POM121: variants seen among roughly 807,000 people sequenced by gnomAD.
POM121 encodes POM121 transmembrane nucleoporin.
In POM121, 32 loss-of-function variants were observed where a neutral mutation model predicts 81.3. That is an observed-to-expected ratio of 0.39 (90% CI 0.30 to 0.53). POM121 has a LOEUF of 0.53. Among genes scored for constraint, POM121 ranks in the 20% least tolerant of loss-of-function variants. The probability of loss-of-function intolerance (pLI) is 0.66; values close to 1 mark genes in which losing one functional copy is unlikely to be tolerated. For missense variants in POM121, 1,138 were observed against 1,614.6 expected (o/e 0.70, Z 5.06); for synonymous variants, 514 against 694.2 (o/e 0.74, Z 4.08).
rs200295539 is a variant in POM121, at chr7:72,943,531, G to T, written c.3529+9G>T. 1 of 1,611,318 alleles carries T rather than the reference G, an allele frequency of 6.2e-7. No homozygotes were observed. Among genetic ancestry groups the T allele is most frequent in the Non-Finnish European group, 8.5e-7 (1 of 1,179,620 alleles). ...CAAACCTGTGTTTGGAGGTAAGGAG[G>T]GGCGTGGACTTGGGCTACCGGGCCG... On this transcript the variant is annotated intron_variant, in intron 11 of 12. Coordinates refer to ENST00000434423, the MANE Select transcript of POM121 (RefSeq NM_001387691.1).
rs555797279 is a variant in POM121, at chr7:72,946,505, C to T, written c.*271C>T. On this transcript the variant is annotated 3_prime_UTR_variant, in exon 13 of 13. Transcript: ENST00000434423. ...GGGAGGCTGGAGAACTAAGGAAACACCTGTACATAGTGTCCGCTGCCCTGA... is the reference window on the plus strand; with the variant it reads ...GGGAGGCTGGAGAACTAAGGAAACATCTGTACATAGTGTCCGCTGCCCTGA... 4.7e-5 allele frequency: 60 copies of T among 1,270,474 alleles called. No homozygotes were observed. The South Asian group carries it at 1.1e-3, about 24-fold the overall frequency. 78.7% of individuals were successfully genotyped at this position (1,270,474 alleles called of 1,614,324 possible). A position where few individuals can be genotyped will look rare whatever the true frequency, so the allele number is the denominator to read the frequency against.
chr7:72,943,279 C>T lies in POM121; in HGVS notation c.3286C>T (p.Pro1096Ser), dbSNP rs782211310. 18 of 1,609,964 alleles carry T rather than the reference C, an allele frequency of 1.1e-5. No homozygotes were observed. The East Asian group carries it at 3.6e-4, about 32-fold the overall frequency. ...GGTGTTTGGCAGCACAACACCATCA[C>T]CCTTCACGTTTGGGGGTTCGGCAGC... is the stretch of plus-strand genomic sequence containing the variant. ...SSVFGSTTPS[P>S]FTFGGSAAPA... The change falls in exon 11 of 13, where the codon CCC becomes TCC. Residue 1096 changes from proline (P) to serine (S), a missense_variant. Pro to Ser is a moderately conservative substitution (Grantham distance 74). Transcript: ENST00000434423.
chr7:72,900,449 T>C (rs1463140162), intron 3 of POM121, among the ~76,000 whole-genome samples: 1 of 152,168 alleles, frequency 6.6e-6, no homozygotes, highest in East Asian at 1.9e-4. Context: ...TTTGGTTTAA[T>C]TGATTTTTTA....
At chr7:72,882,625 C>T (rs1451519540) in intron 1 of POM121, among the ~76,000 whole-genome samples, 1 of 152,028 alleles carries the variant, frequency 6.6e-6, no homozygotes, top group Non-Finnish European at 1.5e-5. Context: ...ATATCGTGAT[C>T]CAAGTAAACA....
rs374773711 is a variant in POM121, at chr7:72,887,292, G to A, written c.-520-3335G>A. Among the ~76,000 whole-genome samples, 74 of 151,740 alleles carry A rather than the reference G, an allele frequency of 4.9e-4. 2 individuals carry two copies. In the East Asian group the frequency reaches 9.7e-3, roughly 20 times the overall value. ...ATGAACTCTCTCAGTGCTCTGTGCC[G>A]GTTGTGAACTCTGTGTCAATTCTGG... On this transcript the variant is annotated intron_variant, in intron 1 of 15. Transcript: ENST00000395270.
rs1160841241 is a variant in POM121, at chr7:72,926,717, CTTCTGATTTCTTGTT to C, written c.861-83_861-69del. ...AATTATACTTTGGCCTGTTGGTTAG[CTTCTGATTTCTTGTT>C]TCTGAAGTCTGTGCTATATGGCATG... On this transcript the variant is annotated intron_variant, in intron 2 of 12. Coordinates refer to ENST00000434423, the MANE Select transcript of POM121 (RefSeq NM_001387691.1). 7 of 1,544,994 alleles carry C rather than the reference CTTCTGATTTCTTGTT, an allele frequency of 4.5e-6. No individual in the cohort carries two copies. The East Asian group carries it at 1.4e-4, about 30-fold the overall frequency.
At chr7:72,880,118 C>T (rs1467273117) in intron 1 of POM121, among the ~76,000 whole-genome samples, 2 of 152,206 alleles carry the variant, frequency 1.3e-5, no homozygotes, top group African/African-American at 4.8e-5. Flanking sequence ...CGGACGTCAT[C>T]TCCACTCCCC....
rs1794343982 is a variant in POM121, at chr7:72,916,944, T to A, written c.-152+3116T>A. 2.0e-5 allele frequency among the ~76,000 whole-genome samples: 3 copies of A among 152,248 alleles called. No homozygotes were observed. The South Asian group carries it at 6.2e-4, about 31-fold the overall frequency. On this transcript the variant is annotated intron_variant, in intron 4 of 15. Coordinates refer to the POM121 transcript ENST00000395270. The stretch of plus-strand genomic sequence containing the variant: ...TCCAACGTCTGGGCTTCCTAAGGGC[T>A]GATTTCCATCAATTTATTTTGTTAT...
intron 3 of POM121, among the ~76,000 whole-genome samples, chr7:72,907,663 G>A (rs1479131925): frequency 2.0e-5 from 3 of 151,866 alleles, no homozygotes; most frequent in Admixed American, 6.6e-5. Context: ...GGCATGCACC[G>A]CCACGCCTGG....
intron 10 of POM121, among the ~76,000 whole-genome samples, 161 bp downstream of exon 10, chr7:72,941,154 C>G (rs1296625362): frequency 1.3e-5 from 2 of 149,548 alleles, no homozygotes; most frequent in African/African-American, 4.9e-5. Flanking sequence ...AGCGCCAGAG[C>G]CCGCATCAGG....
At chr7:72,904,300 ACT>A (rs1329097911) in intron 3 of POM121, among the ~76,000 whole-genome samples, 3 of 151,520 alleles carry the variant, frequency 2.0e-5, no homozygotes, top group Non-Finnish European at 4.4e-5. Context: ...TCCCATAGAA[ACT>A]CTCCACAACT....
chr7:72,900,509 A>T lies in POM121; in HGVS notation c.-216+9399A>T, dbSNP rs184461300. Among the ~76,000 whole-genome samples the T allele has an allele frequency of 7.3e-4, 111 of 151,096 alleles. 1 individual carries two copies. The highest frequency in any genetic ancestry group is 5.2e-3 in the Admixed American group (78 of 15,136). ...ATTTCTACTCTTACATTTTTATTTT[A>T]ATTTTTATTTTTTGAGATGGAGTCT... On this transcript the variant is annotated intron_variant, in intron 3 of 15. Coordinates refer to the POM121 transcript ENST00000395270.
chr7:72,942,704 A>C lies in POM121; in HGVS notation c.2711A>C (p.His904Pro), dbSNP rs437678. 145,354 of 1,202,110 alleles carry C rather than the reference A, an allele frequency of 0.12. 11,385 individuals carry two copies. The highest frequency in any genetic ancestry group is 0.47 in the East Asian group (15,806 of 33,598). The allele number at this position is 1,202,110 out of a possible 1,614,324, so 74.5% of individuals were successfully genotyped here. Residue 904 changes from histidine (H) to proline (P), a missense_variant, in exon 11 of 13, where the codon CAC (histidine) becomes CCC (proline). His to Pro is a moderately conservative substitution (Grantham distance 77). Around this residue, in one of 7 missense-constraint regions of POM121, gnomAD observed 25 missense variants for 229.8 expected, o/e 0.11. Transcript: ENST00000434423. ...GTCACCACCTTCAGCCAGTCCCTGC[A>C]CACTGCCGTGCCAACGGCCACCAGC... ...TTVTTFSQSLHTAVPTATSSS... is the reference protein window; with the variant it reads ...TTVTTFSQSLPTAVPTATSSS...
chr7:72,926,685 G>A lies in POM121; in HGVS notation c.861-117G>A, dbSNP rs1338239941. 2.7e-6 allele frequency: 4 copies of A among 1,500,902 alleles called. No homozygotes were observed. The East Asian group carries it at 6.8e-5, about 26-fold the overall frequency. The allele number at this position is 1,500,902 out of a possible 1,614,324, so 93.0% of individuals were successfully genotyped here. A position where few individuals can be genotyped will look rare whatever the true frequency, so the allele number is the denominator to read the frequency against. On this transcript the variant is annotated intron_variant, in intron 2 of 12. Coordinates refer to ENST00000434423, the MANE Select transcript of POM121 (RefSeq NM_001387691.1). ...TACTTGCTAACGGGAACTGCTGTGA[G>A]TGTATAAATTATACTTTGGCCTGTT... is the stretch of plus-strand genomic sequence containing the variant.
chr7:72,931,111 T>C (rs1554498537), intron 5 of POM121, among the ~76,000 whole-genome samples: 1 of 152,144 alleles, frequency 6.6e-6, no homozygotes, highest in African/African-American at 2.4e-5. Context: ...TAAATGAACA[T>C]TAATGACCGT....
chr7:72,890,826 C>G (rs1202532623), intron 2 of POM121: 10 of 1,493,354 alleles, frequency 6.7e-6, no homozygotes, highest in Non-Finnish European at 9.3e-6. Context: ...AAATAAGTGA[C>G]AACACCATTT....
chr7:72,911,433 C>T (rs1246902033), intron 3 of POM121, among the ~76,000 whole-genome samples: 2 of 152,182 alleles, frequency 1.3e-5, no homozygotes, highest in Non-Finnish European at 2.9e-5. Flanking sequence ...CTCATTTTAG[C>T]GGCAATACAT....
At chr7:72,911,040 A>G (rs1394797506) in intron 3 of POM121, among the ~76,000 whole-genome samples, 1 of 152,228 alleles carries the variant, frequency 6.6e-6, no homozygotes, top group African/African-American at 2.4e-5. Context: ...AGGTTGGAGT[A>G]CAATAGCGCA....
At chr7:72,891,011 A>G (rs1383728386) in exon 3 of POM121, 1 of 994,526 alleles carries the variant, frequency 1.0e-6, no homozygotes, top group Non-Finnish European at 1.5e-6. Flanking sequence ...TTTCCCATTA[A>G]CAAGATATGA....
Sources: gnomAD v4.1 joint callset for allele counts (sites outside exome capture counted in the v4.1 genomes callset) on GRCh38, gnomAD v4.1.1 for gene constraint, gnomAD v4.1.1 regional missense constraint, MANE v1.5 for transcripts, NCBI Gene and HGNC (gene_info 2026-07-23, HGNC 2026-07-21) for gene names.